Variants in EIF4G3 observed in about 807,000 individuals in gnomAD.
EIF4G3 encodes eIF-4-gamma 3.
A neutral mutation model predicts 186.4 loss-of-function variants in EIF4G3; 34 were observed. The ratio of observed to expected loss-of-function variants is 0.18; its 90% CI spans 0.14 to 0.24. The LOEUF (loss-of-function observed/expected upper bound fraction) is 0.24. Ranked by LOEUF, EIF4G3 falls within the 10% of genes least tolerant of loss-of-function variation. EIF4G3 has a pLI of 1.00. For missense variants in EIF4G3, 1,536 were observed against 1,948.5 expected (o/e 0.79, Z 3.99); for synonymous variants, 673 against 679.5 (o/e 0.99, Z 0.15).
chr1:20,885,802 G>T (rs964331661), intron 19 of EIF4G3, among the ~76,000 whole-genome samples: 18 of 152,188 alleles, frequency 1.2e-4, no homozygotes, highest in Middle Eastern at 3.2e-3. Flanking sequence ...AAAACAAGAT[G>T]AGTTTCTAAA....
At position 20,810,290 on chromosome 1, in the gene EIF4G3, G is replaced by A. The variant is rs1304839982; in HGVS notation, c.4744+448C>T. ...CTGCCTCAGCCTCCCAAGTAGCTGG[G>A]ATTACAGGTGCCCGCCACCACACCC... On this transcript the variant is annotated intron_variant, in intron 36 of 36. Coordinates refer to ENST00000602326, the MANE Select transcript of EIF4G3 (RefSeq NM_001391906.1). This position sits in a 1 kb window ranked among gnomAD's most constrained non-coding sequence, Gnocchi z 4.1. Among the ~76,000 whole-genome samples, 1 of 152,140 alleles carries A rather than the reference G, an allele frequency of 6.6e-6. No individual in the cohort carries two copies. The highest frequency in any genetic ancestry group is 1.5e-5 in the Non-Finnish European group (1 of 68,020).
chr1:20,996,561 A>C (rs531300747), intron 7 of EIF4G3, among the ~76,000 whole-genome samples: 2 of 152,204 alleles, frequency 1.3e-5, no homozygotes, highest in African/African-American at 4.8e-5. Flanking sequence ...GCCTTCAACT[A>C]AACAATATCC....
At chr1:20,919,340 C>T (rs2094266599) in intron 14 of EIF4G3, among the ~76,000 whole-genome samples, 1 of 152,116 alleles carries the variant, frequency 6.6e-6, no homozygotes, top group South Asian at 2.1e-4. Context: ...TCCCGTATAG[C>T]TGGAAGTACA....
rs941905427 is a variant in EIF4G3 at position 20,929,162 on chromosome 1, G to A, written c.1663+12329C>T. On this transcript the variant is annotated intron_variant, in intron 14 of 36. Coordinates refer to ENST00000602326, the MANE Select transcript of EIF4G3 (RefSeq NM_001391906.1). ...TTTGGGTTGTTACCACTTTATGGCT[G>A]CCCTATTCATTTTCCCCCCCATTCT... 3.3e-5 allele frequency among the ~76,000 whole-genome samples: 5 copies of A among 152,048 alleles called. 1 individual carries two copies. The highest frequency in any genetic ancestry group is 6.5e-5 in the Admixed American group (1 of 15,278).
At chr1:21,108,067 A>G (rs1240863862) in intron 2 of EIF4G3, among the ~76,000 whole-genome samples, 1 of 152,218 alleles carries the variant, frequency 6.6e-6, no homozygotes, top group Non-Finnish European at 1.5e-5. Flanking sequence ...AGGATCGCTT[A>G]AGCCTGGGAG....
At chr1:20,809,122 C>A (rs530207052) in intron 36 of EIF4G3, among the ~76,000 whole-genome samples, 32 of 152,108 alleles carry the variant, frequency 2.1e-4, no homozygotes, top group Non-Finnish European at 3.7e-4. Flanking sequence ...TACAGGCATG[C>A]GCCACCACGC....
At chr1:21,075,952 TA>T in intron 3 of EIF4G3, among the ~76,000 whole-genome samples, 1 of 152,090 alleles carries the variant, frequency 6.6e-6, no homozygotes, top group Admixed American at 6.6e-5. Context: ...AGAAAGAAAA[TA>T]AATAACCAAA....
intron 2 of EIF4G3, among the ~76,000 whole-genome samples, chr1:21,165,904 CTTAT>C (rs1402582069): frequency 2.0e-5 from 3 of 151,598 alleles, no homozygotes; most frequent in African/African-American, 7.3e-5. Flanking sequence ...CTAACTTCCT[CTTAT>C]TTATTCAAAA....
intron 4 of EIF4G3, among the ~76,000 whole-genome samples, chr1:21,023,747 C>T (rs1345801490): frequency 6.7e-6 from 1 of 149,550 alleles, no homozygotes; most frequent in South Asian, 2.1e-4. Flanking sequence ...AGCCCCTCTG[C>T]CTGGCTGCCC....
Position 21,069,851 on chromosome 1 carries a change from A to G in EIF4G3, c.-195-18857T>C, listed in dbSNP as rs145082765. On this transcript the variant is annotated intron_variant, in intron 3 of 36. Coordinates refer to ENST00000602326, the MANE Select transcript of EIF4G3 (RefSeq NM_001391906.1). The stretch of plus-strand genomic sequence containing the variant: ...CACTGACTGTGAGGTTTGTCGAAAG[A>G]AAAGAGGATGAGCTAATCATGGGTA... 4.5e-3 allele frequency among the ~76,000 whole-genome samples: 686 copies of G among 152,332 alleles called. 5 individuals are homozygous for G. The highest frequency in any genetic ancestry group is 0.016 in the African/African-American group (651 of 41,578).
chr1:21,149,100 A>C (rs998983419), intron 2 of EIF4G3, among the ~76,000 whole-genome samples: 1 of 152,128 alleles, frequency 6.6e-6, no homozygotes, highest in African/African-American at 2.4e-5. Flanking sequence ...TCTAAAAAAA[A>C]AAAAGAAAGA....
At chr1:20,961,523 TGCTA>T (rs1407018052) in intron 12 of EIF4G3, among the ~76,000 whole-genome samples, 1 of 152,250 alleles carries the variant, frequency 6.6e-6, no homozygotes, top group Non-Finnish European at 1.5e-5. Flanking sequence ...AATTCTTCTC[TGCTA>T]GCTATTTCAA....
At chr1:20,950,433 A>G (rs1452738875) in intron 12 of EIF4G3, among the ~76,000 whole-genome samples, 2 of 152,130 alleles carry the variant, frequency 1.3e-5, no homozygotes, top group Non-Finnish European at 2.9e-5. Context: ...TTGTCAACCT[A>G]ACAATAGACG....
At chr1:21,088,247 T>G (rs1264969479) in intron 3 of EIF4G3, among the ~76,000 whole-genome samples, 2 of 151,784 alleles carry the variant, frequency 1.3e-5, no homozygotes, top group Non-Finnish European at 2.9e-5. Context: ...ATGGTGAAAC[T>G]CTGTCTCTAC....
intron 2 of EIF4G3, among the ~76,000 whole-genome samples, chr1:21,090,831 T>C (rs2096171671): frequency 6.6e-6 from 1 of 152,176 alleles, no homozygotes; most frequent in East Asian, 1.9e-4. Context: ...AGATCAAGGA[T>C]ACAAATGTCA....
chr1:21,175,943 C>T (rs1363968125), intron 2 of EIF4G3: 1 of 224,928 alleles, frequency 4.4e-6, no homozygotes, highest in Non-Finnish European at 8.6e-6. Context: ...GCTGCAGAAG[C>T]ATGGCCAAGT....
At chr1:21,089,551 A>G (rs2096111605) in intron 2 of EIF4G3, among the ~76,000 whole-genome samples, 1 of 152,118 alleles carries the variant, frequency 6.6e-6, no homozygotes, top group East Asian at 1.9e-4. Flanking sequence ...CTATAATCCC[A>G]ACACTTTTGG....
Position 20,942,007 on chromosome 1 carries a change from G to A in EIF4G3, c.1147C>T (p.Pro383Ser), listed in dbSNP as rs772223488. ...TSCTETSDPL[P>S]TNENDDDICK... ...ATATCATCATCATTTTCATTTGTTG[G>A]TAAAGGGTCTGATGTTTCTGTGCAA... Residue 383 changes from proline to serine, a missense_variant, in exon 14 of 37, where the codon CCA (proline) becomes TCA (serine). Physicochemically the swap from Pro to Ser is moderately conservative, Grantham distance 74. Coordinates refer to ENST00000602326, the MANE Select transcript of EIF4G3 (RefSeq NM_001391906.1). 5.0e-6 allele frequency: 8 copies of A among 1,614,144 alleles called. No individual in the cohort carries two copies. The South Asian group carries it at 6.6e-5, about 13-fold the overall frequency.
chr1:20,973,733 A>G (rs1404031162), intron 10 of EIF4G3, among the ~76,000 whole-genome samples: 1 of 151,824 alleles, frequency 6.6e-6, no homozygotes, highest in Non-Finnish European at 1.5e-5. Context: ...GCTATAACCT[A>G]CTCCTAACTC....
Sources: gnomAD v4.1 joint callset for allele counts (sites outside exome capture counted in the v4.1 genomes callset) on GRCh38, gnomAD v4.1.1 for gene constraint, Gnocchi (gnomAD v3.1) non-coding constraint, MANE v1.5 for transcripts, NCBI Gene and HGNC (gene_info 2026-07-23, HGNC 2026-07-21) for gene names.